CCDC187: variants seen among roughly 807,000 people sequenced by gnomAD.
CCDC187 encodes coiled-coil domain containing 187.
CCDC187 carries 32 observed loss-of-function variants against 38.0 expected under a neutral mutation model. That is an observed-to-expected ratio of 0.84 (90% CI 0.64 to 1.13). The LOEUF (loss-of-function observed/expected upper bound fraction) is 1.13, where lower values mean the gene tolerates loss of function less well. Among genes scored for constraint, CCDC187 ranks in the 50% most tolerant of loss-of-function variants. The probability of loss-of-function intolerance (pLI) is 0.00; values close to 1 mark genes in which losing one functional copy is unlikely to be tolerated. For synonymous variants in CCDC187, 333 were observed against 347.9 expected (o/e 0.96, Z 0.48); for missense variants, 707 against 786.8 (o/e 0.90, Z 1.21).
intron 10 of CCDC187, among the ~76,000 whole-genome samples, chr9:136,280,524 A>G (rs1446917275): frequency 1.3e-5 from 2 of 152,132 alleles, no homozygotes; most frequent in Non-Finnish European, 2.9e-5. Context: ...ATGCACGTGC[A>G]CACACACACA....
Position 136,250,623 on chromosome 9 carries a change from A to G in CCDC187, c.*2971T>C, listed in dbSNP as rs1830523629. 2.5e-6 allele frequency: 1 copy of G among 401,416 alleles called. No homozygotes were observed. Among genetic ancestry groups the G allele is most frequent in the Admixed American group, 2.7e-5 (1 of 36,682 alleles). 24.9% of individuals were successfully genotyped at this position (401,416 alleles called of 1,614,324 possible). On this transcript the variant is annotated 3_prime_UTR_variant, in exon 26 of 26. Transcript: ENST00000638797. The stretch of plus-strand genomic sequence containing the variant: ...AATGAGAAAGCTGTAGCTCAGCTCA[A>G]AGTTTGTTCTGAAATTGGGAGCATG...
At chr9:136,288,196 A>G (rs1831226927) in intron 7 of CCDC187, among the ~76,000 whole-genome samples, 1 of 152,124 alleles carries the variant, frequency 6.6e-6, no homozygotes, top group South Asian at 2.1e-4. Context: ...CCAGCGGCAT[A>G]CTCAGGACCT....
At position 136,251,180 on chromosome 9, in the gene CCDC187, C is replaced by G. The variant is rs1341996851; in HGVS notation, c.*2414G>C. The stretch of plus-strand genomic sequence containing the variant: ...ACACGCTGCTCATCAACTCCGCATT[C>G]AAGAAGAGACCCTCAGATTCAAAAG... On this transcript the variant is annotated 3_prime_UTR_variant, in exon 26 of 26. Coordinates refer to ENST00000638797, the MANE Select transcript of CCDC187 (RefSeq NM_001378188.1). The G allele has an allele frequency of 5.5e-6, 2 of 366,300 alleles. No homozygotes were observed. The highest frequency in any genetic ancestry group is 6.6e-5 in the Admixed American group (2 of 30,232). The allele number at this position is 366,300 out of a possible 1,614,324, so 22.7% of individuals were successfully genotyped here.
At position 136,264,606 on chromosome 9, in the gene CCDC187, T is replaced by G. The variant is rs62579916; in HGVS notation, c.3736-808A>C. ...TCTCCGCCCCCAGCTCCCTTGCCTG[T>G]AATGCCCCATGCCTGACACCCCAGG... On this transcript the variant is annotated intron_variant, in intron 17 of 25. Coordinates refer to ENST00000638797, the MANE Select transcript of CCDC187 (RefSeq NM_001378188.1). The surrounding 1 kb of genome is among the most constrained non-coding windows in gnomAD (Gnocchi z 4.3). Among the ~76,000 whole-genome samples the G allele has an allele frequency of 0.13, 20,248 of 152,124 alleles. 1,500 individuals carry two copies. Among genetic ancestry groups the G allele is most frequent in the Admixed American group, 0.21 (3,192 of 15,284 alleles).
chr9:136,253,908 C>T lies in CCDC187; in HGVS notation c.5920G>A (p.Glu1974Lys). 1 of 906,466 alleles carries T rather than the reference C, an allele frequency of 1.1e-6. No homozygotes were observed. The highest frequency in any genetic ancestry group is 1.3e-6 in the Non-Finnish European group (1 of 757,734). 56.2% of individuals were successfully genotyped at this position (906,466 alleles called of 1,614,324 possible). ...TCACCGGCAAGTAGGGGACAGGCTT[C>T]CTCCAGGACAGTGGGGGCCCCATTC... ...GGNGAPTVLE[E>K]ACPLLAGDVL... The change falls in exon 26 of 26, where the codon GAA becomes AAA. Residue 1974 changes from glutamate to lysine, a missense_variant. By Grantham distance (56) the Glu-to-Lys change is moderately conservative (BLOSUM62 1). Transcript: ENST00000638797.
At chr9:136,262,492 A>G in intron 18 of CCDC187, 30 bp from the exon 19 acceptor site, 7 of 986,094 alleles carry the variant, frequency 7.1e-6, no homozygotes, top group Non-Finnish European at 8.4e-6. Flanking sequence ...AGAGCCTGGC[A>G]AGGCCACCTC....
At chr9:136,298,925 G>C (rs955478590) in intron 3 of CCDC187, among the ~76,000 whole-genome samples, 7 of 152,330 alleles carry the variant, frequency 4.6e-5, no homozygotes, top group Non-Finnish European at 8.8e-5. Context: ...CTTTAAAAAA[G>C]GGCCTCCTCC....
intron 20 of CCDC187, 80 bp from the exon 21 acceptor site, chr9:136,259,528 A>C: frequency 4.8e-6 from 3 of 623,382 alleles, no homozygotes; most frequent in Non-Finnish European, 6.0e-6. Context: ...CAGGGGCAGA[A>C]TGGAGCTGCC....
chr9:136,285,453 AGGTG>A (rs2131275602), intron 9 of CCDC187, 56 bp downstream of exon 9: 2,508 of 38,784 alleles, frequency 0.065, 55 homozygotes, highest in African/African-American at 0.2. Context: ...GCAGGTGGGC[AGGTG>A]GGCAGGCGGG....
intron 9 of CCDC187, among the ~76,000 whole-genome samples, chr9:136,284,250 G>T (rs1227457378): frequency 6.6e-6 from 1 of 152,146 alleles, no homozygotes; most frequent in African/African-American, 2.4e-5. Flanking sequence ...AGGGCTACAC[G>T]TGGTGTCTGC....
chr9:136,277,447 G>A (rs1411587900), intron 10 of CCDC187, among the ~76,000 whole-genome samples: 5 of 97,368 alleles, frequency 5.1e-5, no homozygotes, highest in Non-Finnish European at 1.1e-4. Flanking sequence ...GGGTGCAGAT[G>A]GGGTGGGCGG....
rs2131278369 is a variant in CCDC187 at position 136,285,847 on chromosome 9, G to A, written c.2833+238C>T. 41 of 397,142 alleles carry A rather than the reference G, an allele frequency of 1.0e-4. No homozygotes were observed. The East Asian group carries it at 1.5e-3, about 14-fold the overall frequency. 24.6% of individuals were successfully genotyped at this position (397,142 alleles called of 1,614,324 possible). A position where few individuals can be genotyped will look rare whatever the true frequency, so the allele number is the denominator to read the frequency against. On this transcript the variant is annotated intron_variant, in intron 8 of 25. Transcript: ENST00000638797. ...AAGACAGGAGCAATAGCTGCTGCGG[G>A]TGCCATGTGCCACACAGGAGAGCTC...
At chr9:136,294,967 C>G (rs1051432597) in intron 4 of CCDC187, among the ~76,000 whole-genome samples, 1 of 152,266 alleles carries the variant, frequency 6.6e-6, no homozygotes, top group Non-Finnish European at 1.5e-5. Context: ...AAGTGTTTCA[C>G]TTATCCATGC....
intron 19 of CCDC187, among the ~76,000 whole-genome samples, chr9:136,261,061 G>A (rs1554760942): frequency 2.6e-5 from 4 of 152,116 alleles, no homozygotes; most frequent in Non-Finnish European, 1.5e-5. Flanking sequence ...TGTCCTAAAG[G>A]ATTCATTCCC....
chr9:136,269,920 A>G (rs1312794807), intron 14 of CCDC187, among the ~76,000 whole-genome samples: 2 of 152,256 alleles, frequency 1.3e-5, no homozygotes, highest in Non-Finnish European at 2.9e-5. Flanking sequence ...TGGAATGTGT[A>G]AACTGATGAA....
In CCDC187 at chr9:136,281,484, T is replaced by G. The variant is rs1027554137; in HGVS notation, c.3040+67A>C. The G allele has an allele frequency of 2.3e-3, 901 of 398,540 alleles. 4 individuals are homozygous for G. The highest frequency in any genetic ancestry group is 0.016 in the African/African-American group (776 of 48,702). The allele number at this position is 398,540 out of a possible 1,614,324, so 24.7% of individuals were successfully genotyped here. A position where few individuals can be genotyped will look rare whatever the true frequency, so the allele number is the denominator to read the frequency against. ...AGCTCGAGTGCTAGGCAGTGGAAGGTGTTCTCGGTGGATGCCCCGGCCACC... is the reference window on the plus strand; with the variant it reads ...AGCTCGAGTGCTAGGCAGTGGAAGGGGTTCTCGGTGGATGCCCCGGCCACC... On this transcript the variant is annotated intron_variant, in intron 10 of 25. Transcript: ENST00000638797.
In CCDC187 at chr9:136,267,691, C is replaced by G. The variant is rs529003417; in HGVS notation, c.3520-180G>C. 5.2e-5 allele frequency: 48 copies of G among 925,848 alleles called. No homozygotes were observed. The African/African-American group carries it at 7.8e-4, about 15-fold the overall frequency. 57.4% of individuals were successfully genotyped at this position (925,848 alleles called of 1,614,324 possible). A position where few individuals can be genotyped will look rare whatever the true frequency, so the allele number is the denominator to read the frequency against. ...CCCTCCCATCCCCCTATGCCGCCCTCGCTTCCCCGACTGTGAGCTGGCGGG... is the reference window on the plus strand; with the variant it reads ...CCCTCCCATCCCCCTATGCCGCCCTGGCTTCCCCGACTGTGAGCTGGCGGG... On this transcript the variant is annotated intron_variant, in intron 15 of 25. Transcript: ENST00000638797.
rs1830556483 is a variant in CCDC187 at position 136,252,333 on chromosome 9, GGTCCAGGCGACCATCCCGCAC to G, written c.*1240_*1260del. On this transcript the variant is annotated 3_prime_UTR_variant, in exon 26 of 26. Coordinates refer to ENST00000638797, the MANE Select transcript of CCDC187 (RefSeq NM_001378188.1). The stretch of plus-strand genomic sequence containing the variant: ...CCGCCCACCCAGTCCACCCTGGGAA[GGTCCAGGCGACCATCCCGCAC>G]AGCCGGCCGCCCACCCCGTCCACCA... The G allele has an allele frequency of 9.1e-6, 1 of 110,470 alleles. No individual in the cohort carries two copies. The highest frequency in any genetic ancestry group is 1.1e-4 in the South Asian group (1 of 8,784). The allele number at this position is 110,470 out of a possible 1,614,324, so 6.8% of individuals were successfully genotyped here.
At chr9:136,282,228 T>C (rs1293008119) in intron 9 of CCDC187, among the ~76,000 whole-genome samples, 1 of 152,126 alleles carries the variant, frequency 6.6e-6, no homozygotes, top group African/African-American at 2.4e-5. Context: ...CAGGGCAACC[T>C]ATCTGGGGAG....
Sources: allele counts gnomAD v4.1 joint callset (sites outside exome capture counted in the v4.1 genomes callset), GRCh38; gene constraint gnomAD v4.1.1; non-coding constraint Gnocchi (gnomAD v3.1); transcripts MANE v1.5; gene names NCBI Gene and HGNC (gene_info 2026-07-23, HGNC 2026-07-21).